TAFA5: variants seen among roughly 807,000 people sequenced by gnomAD.
TAFA5 encodes chemokine-like protein TAFA-5.
Under a neutral mutation model 15.3 loss-of-function variants are expected in TAFA5, and 6 were observed. That is an observed-to-expected ratio of 0.39 (90% CI 0.21 to 0.77). The LOEUF (loss-of-function observed/expected upper bound fraction) is 0.77. TAFA5 is among the 30% of genes least tolerant of loss of function. TAFA5 has a pLI of 0.41. For missense variants in TAFA5, 161 were observed against 193.1 expected, an observed-to-expected ratio of 0.83 and a Z score of 0.98; for synonymous variants, 103 against 80.7, an observed-to-expected ratio of 1.28 and a Z score of -1.48.
intron 2 of TAFA5, among the ~76,000 whole-genome samples, chr22:48,698,481 T>C (rs1249736642): frequency 6.6e-6 from 1 of 151,536 alleles, no homozygotes; most frequent in Non-Finnish European, 1.5e-5. Flanking sequence ...GTGAAGGTGA[T>C]GATAGGGAGA....
rs1929540723 is a variant in TAFA5, at chr22:48,720,615, G to T, written c.390+12771G>T. Among the ~76,000 whole-genome samples the T allele has an allele frequency of 2.0e-5, 3 of 152,256 alleles. No individual in the cohort carries two copies. The South Asian group carries it at 6.2e-4, about 32-fold the overall frequency. On this transcript the variant is annotated intron_variant, in intron 3 of 3. Transcript: ENST00000402357. ...TGGGGACCATCCTCCGGCTATGCAGGTGCGGGGAGCCTGGTCTCCAAGACA... is the reference window on the plus strand; with the variant it reads ...TGGGGACCATCCTCCGGCTATGCAGTTGCGGGGAGCCTGGTCTCCAAGACA...
Position 48,672,995 on chromosome 22 carries a change from CA to C in TAFA5, c.262+26254del, listed in dbSNP as rs1389088553. On this transcript the variant is annotated intron_variant, in intron 2 of 3. Transcript: ENST00000402357. The stretch of plus-strand genomic sequence containing the variant: ...TATGTCCAGGACAGTGTGGAACAGA[CA>C]AAAACCCTGACCCCAAGGCTGATGG... Among the ~76,000 whole-genome samples, 4 of 152,288 alleles carry C rather than the reference CA, an allele frequency of 2.6e-5. No individual in the cohort carries two copies. The East Asian group carries it at 7.7e-4, about 29-fold the overall frequency.
chr22:48,612,002 C>A (rs908546587), intron 1 of TAFA5, among the ~76,000 whole-genome samples: 1 of 152,158 alleles, frequency 6.6e-6, no homozygotes, highest in Non-Finnish European at 1.5e-5. Context: ...GTTTCCTCAC[C>A]TGTAATATAA....
intron 1 of TAFA5, among the ~76,000 whole-genome samples, chr22:48,568,322 T>A (rs972959759): frequency 1.3e-5 from 2 of 152,240 alleles, no homozygotes; most frequent in African/African-American, 4.8e-5. Context: ...TCTGCTCACG[T>A]CTCGTCTGCT....
At chr22:48,735,318 C>T (rs1929978319) in intron 3 of TAFA5, among the ~76,000 whole-genome samples, 1 of 152,182 alleles carries the variant, frequency 6.6e-6, no homozygotes, top group South Asian at 2.1e-4. Flanking sequence ...AGACAGATCA[C>T]AGCGTGGGGA....
At position 48,562,588 on chromosome 22, in the gene TAFA5, G is replaced by A. The variant is rs374804788; in HGVS notation, c.112+72884G>A. 5.9e-5 allele frequency among the ~76,000 whole-genome samples: 9 copies of A among 152,160 alleles called. No homozygotes were observed. The East Asian group carries it at 7.7e-4, about 13-fold the overall frequency. On this transcript the variant is annotated intron_variant, in intron 1 of 3. Coordinates refer to ENST00000402357, the MANE Select transcript of TAFA5 (RefSeq NM_001082967.3). ...CAGGGTGAGCATCTAGGGAGGGAGG[G>A]GGGGAATTTAGCTCCTGTGGGGACC...
intron 1 of TAFA5, among the ~76,000 whole-genome samples, chr22:48,563,483 C>T (rs773969762): frequency 2.4e-4 from 36 of 152,172 alleles, no homozygotes; most frequent in Non-Finnish European, 5.0e-4. Flanking sequence ...TGTCTGAAGG[C>T]GGGTGGCGTG....
chr22:48,706,799 C>T (rs1929091576), intron 2 of TAFA5, among the ~76,000 whole-genome samples: 2 of 152,174 alleles, frequency 1.3e-5, no homozygotes, highest in Non-Finnish European at 2.9e-5. Flanking sequence ...TGAGAAATGA[C>T]TAATCGTTCT....
In TAFA5 at chr22:48,701,159, G is replaced by A. The variant is rs534399332; in HGVS notation, c.263-6558G>A. Among the ~76,000 whole-genome samples, 16 of 152,294 alleles carry A rather than the reference G, an allele frequency of 1.1e-4. No individual in the cohort carries two copies. The South Asian group carries it at 2.3e-3, about 22-fold the overall frequency. On this transcript the variant is annotated intron_variant, in intron 2 of 3. Coordinates refer to ENST00000402357, the MANE Select transcript of TAFA5 (RefSeq NM_001082967.3). ...CAGCTCGAGTGGGTGTCTCAGGACC[G>A]GCTCCTTCCATCCAGTAGAGGACAT...
At chr22:48,633,211 C>T (rs537092692) in intron 1 of TAFA5, among the ~76,000 whole-genome samples, 5 of 152,286 alleles carry the variant, frequency 3.3e-5, no homozygotes, top group South Asian at 2.1e-4. Flanking sequence ...ACGACCTTTG[C>T]GGGGAATGAA....
intron 1 of TAFA5, among the ~76,000 whole-genome samples, chr22:48,629,594 G>C (rs576743229): frequency 6.6e-6 from 1 of 152,316 alleles, no homozygotes; most frequent in East Asian, 1.9e-4. Context: ...GGAGTCACAG[G>C]TTGGGTCACA....
chr22:48,512,073 G>T (rs1315999070), intron 1 of TAFA5, among the ~76,000 whole-genome samples: 3 of 152,184 alleles, frequency 2.0e-5, no homozygotes, highest in African/African-American at 4.8e-5. Flanking sequence ...GTGTCAAGGG[G>T]CCCTCGCCAC....
chr22:48,601,060 C>T (rs922735953), intron 1 of TAFA5, among the ~76,000 whole-genome samples: 5 of 152,240 alleles, frequency 3.3e-5, no homozygotes, highest in African/African-American at 9.6e-5. Context: ...CAGATATTTA[C>T]AGAGAGACTC....
chr22:48,543,900 G>C (rs1922559837), intron 1 of TAFA5: 1 of 152,288 alleles, frequency 6.6e-6, no homozygotes, highest in Non-Finnish European at 1.5e-5. Context: ...TGATCCCCTT[G>C]TGGGGCTCCA....
intron 1 of TAFA5, among the ~76,000 whole-genome samples, chr22:48,620,362 T>A (rs1279014122): frequency 6.6e-6 from 1 of 152,130 alleles, no homozygotes; most frequent in Non-Finnish European, 1.5e-5. Context: ...CATATTTGTG[T>A]AAATGAATTC....
intron 1 of TAFA5, among the ~76,000 whole-genome samples, chr22:48,511,067 G>A (rs1285401919): frequency 6.6e-6 from 1 of 152,226 alleles, no homozygotes; most frequent in Non-Finnish European, 1.5e-5. Flanking sequence ...AGCAGTTTTA[G>A]GGTCAACCAG....
At chr22:48,571,214 A>C (rs1020940770) in intron 1 of TAFA5, among the ~76,000 whole-genome samples, 1 of 152,058 alleles carries the variant, frequency 6.6e-6, no homozygotes, top group Non-Finnish European at 1.5e-5. Flanking sequence ...TTTCTAAAGC[A>C]AAATTCAGTA....
intron 3 of TAFA5, among the ~76,000 whole-genome samples, chr22:48,718,666 C>A (rs1340422304): frequency 6.6e-6 from 1 of 152,200 alleles, no homozygotes; most frequent in Non-Finnish European, 1.5e-5. Context: ...CTGGTCCCAG[C>A]CAGGCTTCCC....
intron 1 of TAFA5, among the ~76,000 whole-genome samples, chr22:48,565,825 G>T (rs1020416556): frequency 6.6e-6 from 1 of 152,228 alleles, no homozygotes; most frequent in Non-Finnish European, 1.5e-5. Context: ...ATTGTTCCTT[G>T]CCTAGACCAA....
Sources: gnomAD v4.1 joint callset for allele counts (sites outside exome capture counted in the v4.1 genomes callset) on GRCh38, gnomAD v4.1.1 for gene constraint, MANE v1.5 for transcripts, NCBI Gene and HGNC (gene_info 2026-07-23, HGNC 2026-07-21) for gene names.